Variants in PTPRD observed in about 807,000 individuals in gnomAD.
The protein encoded by PTPRD is protein tyrosine phosphatase receptor type D.
Under a neutral mutation model 214.5 loss-of-function variants are expected in PTPRD, and 34 were observed. That is an observed-to-expected ratio of 0.16 (90% CI 0.12 to 0.21). PTPRD has a LOEUF of 0.21. Among genes scored for constraint, PTPRD ranks in the 10% least tolerant of loss-of-function variants. The pLI is 1.00. For synonymous variants in PTPRD, 1,128 were observed against 845.7 expected (o/e 1.33, Z -5.79); for missense variants, 2,545 against 2,398.7 (o/e 1.06, Z -1.27).
intron 2 of PTPRD, among the ~76,000 whole-genome samples, chr9:10,545,074 T>C (rs570244656): frequency 1.1e-3 from 162 of 152,280 alleles, no homozygotes; most frequent in African/African-American, 3.8e-3. Flanking sequence ...GAGACGTATT[T>C]TACTGTTCCA....
chr9:10,225,454 G>A (rs1458185026), intron 3 of PTPRD, among the ~76,000 whole-genome samples: 1 of 151,986 alleles, frequency 6.6e-6, no homozygotes, highest in Non-Finnish European at 1.5e-5. Context: ...AAGTTAGCTC[G>A]TGTTTTTAAT....
chr9:9,522,157 C>CAAAAAAAAAAAAAAAAAAAAAAA, intron 8 of PTPRD, among the ~76,000 whole-genome samples: 1 of 40,452 alleles, frequency 2.5e-5, no homozygotes, highest in Non-Finnish European at 5.4e-5. Flanking sequence ...ATCTCCATCT[C>CAAAAAAAAAAAAAAAAAAAAAAA]AAAAAAAAAA....
intron 3 of PTPRD, among the ~76,000 whole-genome samples, chr9:10,123,897 G>T (rs2098795935): frequency 6.6e-6 from 1 of 152,152 alleles, no homozygotes; most frequent in African/African-American, 2.4e-5. Context: ...CAAGTATCTG[G>T]TGAATGTTTG....
At chr9:8,434,134 C>G (rs1240785337) in intron 35 of PTPRD, among the ~76,000 whole-genome samples, 1 of 152,142 alleles carries the variant, frequency 6.6e-6, no homozygotes, top group Admixed American at 6.5e-5. Flanking sequence ...AGGCACACGC[C>G]ACCACGCCTG....
chr9:9,220,319 T>TTTTTTTA (rs1555012243), intron 9 of PTPRD, among the ~76,000 whole-genome samples: 43,495 of 148,370 alleles, frequency 0.29, 6,565 homozygotes, highest in East Asian at 0.36. Context: ...GCTTTTTTTT[T>TTTTTTTA]AAAAGCACTA....
At chr9:9,811,290 G>A (rs1055328101) in intron 5 of PTPRD, among the ~76,000 whole-genome samples, 1 of 152,200 alleles carries the variant, frequency 6.6e-6, no homozygotes, top group African/African-American at 2.4e-5. Context: ...AGTGAAAGAA[G>A]AAACTACAGA....
intron 45 of PTPRD, 25 bp downstream of exon 45, chr9:8,319,806 C>G (rs7873084): frequency 5.0e-6 from 8 of 1,610,802 alleles, no homozygotes; most frequent in East Asian, 4.5e-5. Context: ...TCTTGAGATG[C>G]GAAAAATGCA....
intron 3 of PTPRD, among the ~76,000 whole-genome samples, chr9:10,075,447 G>C (rs1018671166): frequency 6.6e-5 from 10 of 151,636 alleles, no homozygotes; most frequent in African/African-American, 2.4e-4. Flanking sequence ...TCTTGTTATT[G>C]ATATAACTTT....
intron 8 of PTPRD, among the ~76,000 whole-genome samples, chr9:9,506,169 C>T (rs1040364318): frequency 1.3e-5 from 2 of 151,336 alleles, no homozygotes; most frequent in Non-Finnish European, 3.0e-5. Flanking sequence ...TAGTATTTCA[C>T]CTATAAAGAT....
intron 7 of PTPRD, among the ~76,000 whole-genome samples, chr9:9,578,511 T>G (rs2089742910): frequency 6.6e-6 from 1 of 152,034 alleles, no homozygotes; most frequent in South Asian, 2.1e-4. Flanking sequence ...GAATAAAAAT[T>G]ATTTGGAAAC....
chr9:9,086,770 G>A (rs775633405), intron 10 of PTPRD, among the ~76,000 whole-genome samples: 2 of 152,126 alleles, frequency 1.3e-5, no homozygotes, highest in Non-Finnish European at 2.9e-5. Context: ...TTGGGCAAAT[G>A]CTTTTTTAAA....
chr9:9,083,177 C>T (rs985034716), intron 10 of PTPRD, among the ~76,000 whole-genome samples: 107 of 152,248 alleles, frequency 7.0e-4, no homozygotes, highest in African/African-American at 2.5e-3. Context: ...GTAACCAAAA[C>T]AGCATGATAC....
intron 8 of PTPRD, among the ~76,000 whole-genome samples, chr9:9,397,696 C>A (rs557167396): frequency 1.6e-4 from 25 of 151,934 alleles, no homozygotes; most frequent in Middle Eastern, 3.4e-3. Flanking sequence ...GTTGTTTATT[C>A]AAAAATCTTT....
chr9:9,788,655 T>C (rs1040815285), intron 5 of PTPRD, among the ~76,000 whole-genome samples: 1 of 151,516 alleles, frequency 6.6e-6, no homozygotes, highest in Non-Finnish European at 1.5e-5. Flanking sequence ...ATAATATTAA[T>C]CTGATACAAA....
intron 8 of PTPRD, among the ~76,000 whole-genome samples, chr9:9,509,464 A>C (rs1484604772): frequency 6.6e-6 from 1 of 151,344 alleles, no homozygotes; most frequent in African/African-American, 2.4e-5. Flanking sequence ...GGACAATGAC[A>C]CACCAGACCC....
chr9:9,409,436 A>G (rs1319593942), intron 8 of PTPRD, among the ~76,000 whole-genome samples: 1 of 152,048 alleles, frequency 6.6e-6, no homozygotes, highest in Non-Finnish European at 1.5e-5. Context: ...TGACATGGAA[A>G]TCATTTACCA....
chr9:8,716,361 G>C (rs73427567), intron 12 of PTPRD, among the ~76,000 whole-genome samples: 5,332 of 152,250 alleles, frequency 0.035, 315 homozygotes, highest in African/African-American at 0.12. Flanking sequence ...GTGTCCTTCT[G>C]CTTCATATTT....
chr9:8,344,518 G>A (rs796685967), intron 39 of PTPRD, among the ~76,000 whole-genome samples: 3 of 151,982 alleles, frequency 2.0e-5, no homozygotes, highest in African/African-American at 7.2e-5. Context: ...TGAATTGTGG[G>A]ATGAAAAGAA....
At chr9:8,610,141 G>A (rs537291712) in intron 14 of PTPRD, among the ~76,000 whole-genome samples, 2 of 142,576 alleles carry the variant, frequency 1.4e-5, no homozygotes, top group African/African-American at 5.8e-5. Flanking sequence ...TTTGTTAAGT[G>A]ATCTTTATCA....
Sources: allele counts gnomAD v4.1 joint callset (sites outside exome capture counted in the v4.1 genomes callset), GRCh38; gene constraint gnomAD v4.1.1; transcripts MANE v1.5; gene names NCBI Gene and HGNC (gene_info 2026-07-23, HGNC 2026-07-21).